MROH9: variants seen among roughly 807,000 people sequenced by gnomAD.
The protein encoded by MROH9 is maestro heat-like repeat-containing protein family member 9.
MROH9 carries 92 observed loss-of-function variants against 98.2 expected under a neutral mutation model. The ratio of observed to expected loss-of-function variants is 0.94; its 90% CI spans 0.79 to 1.11. The LOEUF is 1.11. Ranked by LOEUF, MROH9 falls within the 50% of genes most tolerant of loss-of-function variation. The pLI is 0.00. For missense variants in MROH9, 1,057 were observed against 1,014.8 expected, an observed-to-expected ratio of 1.04 and a Z score of -0.57; for synonymous variants, 397 against 368.9, an observed-to-expected ratio of 1.08 and a Z score of -0.87.
intron 20 of MROH9, among the ~76,000 whole-genome samples, chr1:171,026,470 C>T (rs1652717269): frequency 6.6e-6 from 1 of 151,312 alleles, no homozygotes; most frequent in Non-Finnish European, 1.5e-5. Flanking sequence ...GATGGAGTTT[C>T]ACTATGTTTG....
At chr1:171,040,428 C>T (rs61264612) in intron 20 of MROH9, among the ~76,000 whole-genome samples, 8,345 of 152,020 alleles carry the variant, frequency 0.055, 743 homozygotes, top group African/African-American at 0.19. Flanking sequence ...GTGTTACACA[C>T]AAAAAGGGTA....
chr1:170,978,979 G>A (rs1165400719), intron 8 of MROH9, among the ~76,000 whole-genome samples: 1 of 152,158 alleles, frequency 6.6e-6, no homozygotes, highest in East Asian at 1.9e-4. Flanking sequence ...CCCTGGTGAG[G>A]GATTGCTGGA....
At chr1:170,976,889 T>C (rs1650719136) in intron 8 of MROH9, among the ~76,000 whole-genome samples, 1 of 152,180 alleles carries the variant, frequency 6.6e-6, no homozygotes, top group Non-Finnish European at 1.5e-5. Flanking sequence ...ATTGGCCTCT[T>C]TATATAATCT....
rs1301246376 is a variant in MROH9 at position 171,064,214 on chromosome 1, C to G, written c.2460C>G (p.Asn820Lys). The G allele has an allele frequency of 6.4e-6, 10 of 1,551,382 alleles. No homozygotes were observed. The highest frequency in any genetic ancestry group is 8.7e-6 in the Non-Finnish European group (10 of 1,146,924). ...TGACCTCTGCACCTCTTAAACAAAA[C>G]TTCCAAAAATTGCTTAAATTATTCT... ...HKLTSAPLKQ[N>K]FQKLLKLFYI... Residue 820 changes from asparagine to lysine, a missense_variant, in exon 22 of 22, where the codon AAC becomes AAG. Physicochemically the swap from Asn to Lys is moderately conservative, Grantham distance 94. Coordinates refer to ENST00000367759, the MANE Select transcript of MROH9 (RefSeq NM_001163629.2).
At chr1:170,950,210 C>T (rs1649495707) in intron 3 of MROH9, among the ~76,000 whole-genome samples, 1 of 152,042 alleles carries the variant, frequency 6.6e-6, no homozygotes, top group African/African-American at 2.4e-5. Context: ...AACCAAAATC[C>T]TTGCCTGCTC....
intron 8 of MROH9, among the ~76,000 whole-genome samples, chr1:170,981,499 C>T (rs776113799): frequency 1.3e-5 from 2 of 152,046 alleles, no homozygotes; most frequent in Non-Finnish European, 2.9e-5. Context: ...CCTCAGCAAA[C>T]TAACACAGGA....
intron 20 of MROH9, among the ~76,000 whole-genome samples, chr1:171,047,443 T>C (rs947526253): frequency 6.6e-6 from 1 of 152,218 alleles, no homozygotes; most frequent in African/African-American, 2.4e-5. Context: ...ATTAAAGTAC[T>C]CTGATGCATT....
intron 17 of MROH9, among the ~76,000 whole-genome samples, chr1:171,021,042 A>G (rs1430604139): frequency 1.3e-5 from 2 of 152,188 alleles, no homozygotes; most frequent in Admixed American, 6.5e-5. Context: ...ACCTAGGAAT[A>G]CAGCTAACAA....
intron 8 of MROH9, among the ~76,000 whole-genome samples, chr1:170,980,202 A>C (rs1650876443): frequency 6.6e-6 from 1 of 152,072 alleles, no homozygotes; most frequent in Non-Finnish European, 1.5e-5. Context: ...CTATCAAACT[A>C]CCATTGACAT....
intron 20 of MROH9, among the ~76,000 whole-genome samples, chr1:171,044,479 AATG>A (rs1653401307): frequency 6.6e-6 from 1 of 152,154 alleles, no homozygotes; most frequent in Non-Finnish European, 1.5e-5. Flanking sequence ...AGCCTCACAG[AATG>A]ATATTGGAAG....
chr1:171,039,126 T>G (rs1338442417), intron 20 of MROH9, among the ~76,000 whole-genome samples: 1 of 152,188 alleles, frequency 6.6e-6, no homozygotes, highest in African/African-American at 2.4e-5. Context: ...GGCATTTTGG[T>G]TAATTTGACA....
rs745845147 is a variant in MROH9 at position 170,947,545 on chromosome 1, T to C, written c.44T>C (p.Leu15Pro). ...NPKTKSSLQILQDSVKWHHMA... is the reference protein window; with the variant it reads ...NPKTKSSLQIPQDSVKWHHMA... ...TGGCTAGAGAGTAGTCTCCAGATTC[T>C]GCAAGACAGTGTGAAATGGCACCAC... Residue 15 changes from leucine to proline, a missense_variant, in exon 3 of 22, where the codon CTG (leucine) becomes CCG (proline). Leu to Pro is a moderately conservative substitution (Grantham distance 98). Coordinates refer to ENST00000367759, the MANE Select transcript of MROH9 (RefSeq NM_001163629.2). 2 of 1,611,116 alleles carry C rather than the reference T, an allele frequency of 1.2e-6. No homozygotes were observed. The highest frequency in any genetic ancestry group is 3.3e-5 in the Admixed American group (2 of 59,852).
chr1:170,945,153 C>A (rs1226003008), intron 1 of MROH9, among the ~76,000 whole-genome samples: 1 of 151,870 alleles, frequency 6.6e-6, no homozygotes, highest in Admixed American at 6.6e-5. Flanking sequence ...TCCTCAGCCG[C>A]AGCCAGCAAA....
At chr1:171,029,715 T>G (rs1278360917) in intron 20 of MROH9, among the ~76,000 whole-genome samples, 1 of 152,204 alleles carries the variant, frequency 6.6e-6, no homozygotes, top group Admixed American at 6.5e-5. Context: ...TATTGAGGAT[T>G]TTTGCATCGA....
intron 15 of MROH9, among the ~76,000 whole-genome samples, chr1:171,001,723 G>A (rs1268959158): frequency 6.6e-6 from 1 of 152,028 alleles, no homozygotes; most frequent in Non-Finnish European, 1.5e-5. Context: ...TGTGGTTGTT[G>A]GATGAAATAC....
chr1:170,961,866 C>A, intron 5 of MROH9, 24 bp from the exon 6 acceptor site: 1 of 1,224,324 alleles, frequency 8.2e-7, no homozygotes, highest in Non-Finnish European at 1.1e-6. Flanking sequence ...GTCTGGCTGA[C>A]TGTGCAATGT....
chr1:171,026,942 A>T (rs918847397), intron 20 of MROH9, among the ~76,000 whole-genome samples: 1 of 152,190 alleles, frequency 6.6e-6, no homozygotes, highest in African/African-American at 2.4e-5. Flanking sequence ...AGTAAGAAAA[A>T]ACGTATATCA....
chr1:171,036,048 A>G (rs2101853236), intron 20 of MROH9, among the ~76,000 whole-genome samples: 1 of 152,268 alleles, frequency 6.6e-6, no homozygotes, highest in Non-Finnish European at 1.5e-5. Context: ...ATGAAATACT[A>G]CATACCAATG....
At chr1:170,936,480 C>T (rs1648886546) in intron 1 of MROH9, among the ~76,000 whole-genome samples, 1 of 152,186 alleles carries the variant, frequency 6.6e-6, no homozygotes, top group Non-Finnish European at 1.5e-5. Context: ...AGTGTCATCT[C>T]CTATCATCAG....
Sources: gnomAD v4.1 joint callset for allele counts (sites outside exome capture counted in the v4.1 genomes callset) on GRCh38, gnomAD v4.1.1 for gene constraint, MANE v1.5 for transcripts, NCBI Gene and HGNC (gene_info 2026-07-23, HGNC 2026-07-21) for gene names.